GNG12: variants seen among roughly 807,000 people sequenced by gnomAD.
GNG12 encodes G protein subunit gamma 12, also known as guanine nucleotide-binding protein G(I)/G(S)/G(O) subunit gamma-12.
For missense variants in GNG12, 69 were observed against 83.8 expected (o/e 0.82, Z 0.69); for synonymous variants, 28 against 29.7 (o/e 0.94, Z 0.19).
At position 67,705,667 on chromosome 1, in the gene GNG12, A is replaced by G; in HGVS notation, c.94-91T>C. The G allele has an allele frequency of 2.7e-6, 4 of 1,462,040 alleles. No individual in the cohort carries two copies. The South Asian group carries it at 6.0e-5, about 22-fold the overall frequency. 90.6% of individuals were successfully genotyped at this position (1,462,040 alleles called of 1,614,324 possible). On this transcript the variant is annotated intron_variant, in intron 3 of 3. Transcript: ENST00000370982. ...TTTGAATGCTAGGCTATTGAATGGA[A>G]GACTGATTTGAACAAGATAATCAGA...
intron 2 of GNG12, among the ~76,000 whole-genome samples, chr1:67,744,441 C>T (rs1646497895): frequency 6.6e-6 from 1 of 152,164 alleles, no homozygotes; most frequent in Non-Finnish European, 1.5e-5. Context: ...TGTTTCCTCT[C>T]CACTGTGCCC....
intron 1 of GNG12, among the ~76,000 whole-genome samples, chr1:67,818,412 GGTTTT>G (rs1424987952): frequency 8.9e-6 from 1 of 112,606 alleles, no homozygotes; most frequent in African/African-American, 3.9e-5. Context: ...AAAGACCAGG[GGTTTT>G]TTTTTTTTTT....
At chr1:67,796,636 A>G (rs1348987125) in intron 1 of GNG12, among the ~76,000 whole-genome samples, 1 of 152,174 alleles carries the variant, frequency 6.6e-6, no homozygotes, top group African/African-American at 2.4e-5. Context: ...TCATGTCCAC[A>G]TTATAAAATA....
chr1:67,766,106 G>GCACACACGCA (rs1646636205), intron 2 of GNG12, among the ~76,000 whole-genome samples: 1 of 139,834 alleles, frequency 7.2e-6, no homozygotes, highest in African/African-American at 2.7e-5. Flanking sequence ...AGGCACACAC[G>GCACACACGCA]CACACACACA....
At chr1:67,814,156 G>C (rs1646941006) in intron 1 of GNG12, among the ~76,000 whole-genome samples, 1 of 151,920 alleles carries the variant, frequency 6.6e-6, no homozygotes, top group Admixed American at 6.6e-5. Context: ...AACATCATTA[G>C]AAAACATTAC....
At chr1:67,817,670 T>C (rs1646960389) in intron 1 of GNG12, among the ~76,000 whole-genome samples, 1 of 152,234 alleles carries the variant, frequency 6.6e-6, no homozygotes, top group Admixed American at 6.5e-5. Flanking sequence ...GTCTTCCTCA[T>C]TAGCTTACTG....
At chr1:67,795,723 G>A (rs1646827597) in intron 1 of GNG12, among the ~76,000 whole-genome samples, 1 of 152,134 alleles carries the variant, frequency 6.6e-6, no homozygotes. Flanking sequence ...TCCAGTATTT[G>A]GATGAAAAGT....
At chr1:67,753,429 C>T (rs796720763) in intron 2 of GNG12, among the ~76,000 whole-genome samples, 1 of 152,070 alleles carries the variant, frequency 6.6e-6, no homozygotes, top group South Asian at 2.1e-4. Context: ...TCTGTACTTG[C>T]TGAGTTTCAA....
At chr1:67,771,548 G>A (rs912868032) in intron 2 of GNG12, among the ~76,000 whole-genome samples, 10 of 152,156 alleles carry the variant, frequency 6.6e-5, no homozygotes, top group African/African-American at 1.4e-4. Context: ...TCCTCCTCGC[G>A]AGTCCCTGAG....
At chr1:67,722,959 C>T (rs1646364371) in intron 2 of GNG12, among the ~76,000 whole-genome samples, 1 of 152,102 alleles carries the variant, frequency 6.6e-6, no homozygotes, top group South Asian at 2.1e-4. Flanking sequence ...ATCTGTAAAA[C>T]AGGATAACAA....
At chr1:67,732,612 C>T (rs1462947971) in intron 2 of GNG12, among the ~76,000 whole-genome samples, 1 of 152,232 alleles carries the variant, frequency 6.6e-6, no homozygotes, top group Non-Finnish European at 1.5e-5. Flanking sequence ...GTTCACACTG[C>T]TTGTTTTCTT....
At chr1:67,795,335 T>C (rs1454795924) in intron 1 of GNG12, among the ~76,000 whole-genome samples, 1 of 152,232 alleles carries the variant, frequency 6.6e-6, no homozygotes, top group African/African-American at 2.4e-5. Context: ...GCCTGCAAGA[T>C]GGCAGCCCAC....
intron 1 of GNG12, among the ~76,000 whole-genome samples, chr1:67,794,667 G>A (rs1332223710): frequency 6.6e-6 from 1 of 152,130 alleles, no homozygotes; most frequent in Non-Finnish European, 1.5e-5. Context: ...TTATAGTCTT[G>A]ATATATATAA....
At chr1:67,750,123 C>T (rs1646529856) in intron 2 of GNG12, among the ~76,000 whole-genome samples, 1 of 152,206 alleles carries the variant, frequency 6.6e-6, no homozygotes, top group Non-Finnish European at 1.5e-5. Flanking sequence ...GGAAAAAAGC[C>T]TGAACCTTTC....
At chr1:67,818,028 C>A (rs1646964000) in intron 1 of GNG12, among the ~76,000 whole-genome samples, 1 of 152,140 alleles carries the variant, frequency 6.6e-6, no homozygotes, top group African/African-American at 2.4e-5. Flanking sequence ...CTCAAGCAAT[C>A]CTCTTACCTC....
At chr1:67,806,728 A>G (rs1475823393) in intron 1 of GNG12, among the ~76,000 whole-genome samples, 1 of 152,332 alleles carries the variant, frequency 6.6e-6, no homozygotes, top group African/African-American at 2.4e-5. Flanking sequence ...CTCCAATACA[A>G]CATAACAATA....
intron 2 of GNG12, among the ~76,000 whole-genome samples, chr1:67,755,323 G>A (rs1646561733): frequency 6.6e-6 from 1 of 152,178 alleles, no homozygotes; most frequent in African/African-American, 2.4e-5. Context: ...TCTGTTACTT[G>A]GAGCTCAAAC....
At chr1:67,716,727 C>T (rs1048850068) in intron 2 of GNG12, among the ~76,000 whole-genome samples, 2 of 152,180 alleles carry the variant, frequency 1.3e-5, no homozygotes, top group African/African-American at 4.8e-5. Flanking sequence ...GAAGACATGG[C>T]CTCCATTCAG....
At chr1:67,752,045 T>C (rs1248201752) in intron 2 of GNG12, among the ~76,000 whole-genome samples, 3 of 152,220 alleles carry the variant, frequency 2.0e-5, no homozygotes, top group Non-Finnish European at 4.4e-5. Context: ...GTCCCTTCCC[T>C]GCCCCATAGC....
Sources: allele counts gnomAD v4.1 joint callset (sites outside exome capture counted in the v4.1 genomes callset), GRCh38; gene constraint gnomAD v4.1.1; transcripts MANE v1.5; gene names NCBI Gene and HGNC (gene_info 2026-07-23, HGNC 2026-07-21).